The following MEAF6 variants were observed in gnomAD, a reference collection of about 807,000 sequenced individuals.
The protein encoded by MEAF6 is MYST/Esa1 associated factor 6, also known as chromatin modification-related protein MEAF6.
In MEAF6, 15 loss-of-function variants were observed where a neutral mutation model predicts 28.9. The observed-to-expected ratio is 0.52, with a 90% CI of 0.35 to 0.80. The LOEUF (loss-of-function observed/expected upper bound fraction) is 0.80. Ranked by LOEUF, MEAF6 falls within the 30% of genes least tolerant of loss-of-function variation. MEAF6 has a pLI of 0.01. For synonymous variants in MEAF6, 97 were observed against 88.7 expected, an observed-to-expected ratio of 1.09 and a Z score of -0.53; for missense variants, 178 against 237.5, an observed-to-expected ratio of 0.75 and a Z score of 1.65.
At chr1:37,498,359 A>G (rs1260320437) in intron 5 of MEAF6, among the ~76,000 whole-genome samples, 1 of 151,752 alleles carries the variant, frequency 6.6e-6, no homozygotes, top group Non-Finnish European at 1.5e-5. Flanking sequence ...CAGACTATCT[A>G]AAGTAATTTT....
chr1:37,502,059 T>A (rs889441475), intron 4 of MEAF6, 63 bp from the exon 5 acceptor site: 3 of 1,401,664 alleles, frequency 2.1e-6, no homozygotes, highest in Non-Finnish European at 2.9e-6. Context: ...AATCTGTCCA[T>A]CAACATGAAC....
chr1:37,496,512 C>T, intron 5 of MEAF6: 1 of 1,161,628 alleles, frequency 8.6e-7, no homozygotes, highest in Non-Finnish European at 1.1e-6. Flanking sequence ...GTGAAGTTTA[C>T]TTAATTTTGC....
rs1307347254 is a variant in MEAF6 at position 37,490,914 on chromosome 1, C to T, written c.*3185G>A. Among the ~76,000 whole-genome samples the T allele has an allele frequency of 3.3e-5, 5 of 152,080 alleles. No individual in the cohort carries two copies. The highest frequency in any genetic ancestry group is 5.9e-5 in the Non-Finnish European group (4 of 68,026). ...TGGTAGCACGCGCCTGTAGTCTCAG[C>T]TACTCGAGAGGCTGAGGCGGAATAA... On this transcript the variant is annotated 3_prime_UTR_variant, in exon 7 of 7. Transcript: ENST00000296214.
chr1:37,496,099 A>T (rs1025280968), intron 5 of MEAF6, among the ~76,000 whole-genome samples, 181 bp from the exon 6 acceptor site: 1 of 152,258 alleles, frequency 6.6e-6, no homozygotes, highest in Admixed American at 6.5e-5. Context: ...AGTATTAAAA[A>T]TTATGAGCAC....
At chr1:37,494,390 C>T (rs1210077839) in intron 6 of MEAF6, among the ~76,000 whole-genome samples, 1 of 151,554 alleles carries the variant, frequency 6.6e-6, no homozygotes, top group African/African-American at 2.4e-5. Flanking sequence ...TGGTGGGCAC[C>T]TGTAATTCCA....
At chr1:37,495,714 AAAAAACAAAAAAAC>A (rs1642109354) in intron 6 of MEAF6, among the ~76,000 whole-genome samples, 157 bp downstream of exon 6, 1 of 133,758 alleles carries the variant, frequency 7.5e-6, no homozygotes, top group African/African-American at 2.6e-5. Flanking sequence ...CAAAAAAAAA[AAAAAACAAAAAAAC>A]CACCTAAAAG....
At chr1:37,511,351 C>T (rs72657776) in intron 2 of MEAF6, among the ~76,000 whole-genome samples, 7,752 of 152,102 alleles carry the variant, frequency 0.051, 290 homozygotes, top group Non-Finnish European at 0.077. Context: ...TTTCAGAATG[C>T]CAGTAATAAA....
chr1:37,509,723 A>G (rs1642603238), intron 2 of MEAF6, among the ~76,000 whole-genome samples, 181 bp from the exon 3 acceptor site: 1 of 152,178 alleles, frequency 6.6e-6, no homozygotes, highest in Non-Finnish European at 1.5e-5. Flanking sequence ...CCACTGTGAG[A>G]CATGAGATTT....
chr1:37,510,222 C>A (rs573581084), intron 2 of MEAF6, among the ~76,000 whole-genome samples: 2 of 151,630 alleles, frequency 1.3e-5, no homozygotes, highest in Non-Finnish European at 2.9e-5. Context: ...GGATTACAGG[C>A]ACGTGCCACC....
intron 4 of MEAF6, among the ~76,000 whole-genome samples, chr1:37,505,739 G>A (rs112089806): frequency 6.4e-4 from 97 of 152,288 alleles, no homozygotes; most frequent in African/African-American, 2.0e-3. Flanking sequence ...TGGTATCAAC[G>A]TATAAATCAG....
chr1:37,502,969 G>T, intron 4 of MEAF6, among the ~76,000 whole-genome samples: 1 of 151,810 alleles, frequency 6.6e-6, no homozygotes, highest in African/African-American at 2.4e-5. Context: ...ATCTCACTCT[G>T]TCACCCAGGC....
chr1:37,504,659 C>A (rs1264214803), intron 4 of MEAF6, among the ~76,000 whole-genome samples: 1 of 149,864 alleles, frequency 6.7e-6, no homozygotes, highest in African/African-American at 2.5e-5. Context: ...GTAATCCCAG[C>A]TACTTGGGAG....
At chr1:37,495,697 C>CAAAAA (rs1373520573) in intron 6 of MEAF6, among the ~76,000 whole-genome samples, 188 bp downstream of exon 6, 1 of 92,676 alleles carries the variant, frequency 1.1e-5, no homozygotes, top group Non-Finnish European at 2.2e-5. Context: ...AAAAAAAAAA[C>CAAAAA]AAAAAACAAA....
chr1:37,503,847 G>A (rs962406876), intron 4 of MEAF6, among the ~76,000 whole-genome samples: 44 of 152,040 alleles, frequency 2.9e-4, no homozygotes, highest in African/African-American at 1.0e-3. Context: ...TGTAATCCCA[G>A]CTATTCAAGG....
rs899338038 is a variant in MEAF6, at chr1:37,493,818, A to G, written c.*281T>C. On this transcript the variant is annotated 3_prime_UTR_variant, in exon 7 of 7. Coordinates refer to ENST00000296214, the MANE Select transcript of MEAF6 (RefSeq NM_001270875.3). ...AGTTTTGGGGGAGACATTCATTCTA[A>G]GAAGGGAGAAACGCACAGTTAGCAA... 6.4e-7 allele frequency: 1 copy of G among 1,550,952 alleles called. No homozygotes were observed. The highest frequency in any genetic ancestry group is 1.4e-5 in the African/African-American group (1 of 73,032).
In MEAF6 at chr1:37,492,914, C is replaced by T. The variant is rs549206961; in HGVS notation, c.*1185G>A. ...AATTCCCAATAACTAGGCTGTACCCCAGTCTCTAGGGATGGGATCCAGGCA... is the reference window on the plus strand; with the variant it reads ...AATTCCCAATAACTAGGCTGTACCCTAGTCTCTAGGGATGGGATCCAGGCA... On this transcript the variant is annotated 3_prime_UTR_variant, in exon 7 of 7. Coordinates refer to ENST00000296214, the MANE Select transcript of MEAF6 (RefSeq NM_001270875.3). The T allele has an allele frequency of 6.6e-6, 1 of 152,170 alleles. No homozygotes were observed. Among genetic ancestry groups the T allele is most frequent in the Non-Finnish European group, 1.5e-5 (1 of 68,030 alleles). The allele number at this position is 152,170 out of a possible 1,614,324, so 9.4% of individuals were successfully genotyped here.
intron 4 of MEAF6, among the ~76,000 whole-genome samples, chr1:37,503,146 A>G (rs559664978): frequency 1.3e-5 from 2 of 152,130 alleles, no homozygotes; most frequent in South Asian, 4.1e-4. Flanking sequence ...TATGTTGCCC[A>G]GGCTGGTCTC....
intron 5 of MEAF6, among the ~76,000 whole-genome samples, chr1:37,500,278 G>A (rs1329912591): frequency 2.8e-5 from 2 of 70,766 alleles, no homozygotes; most frequent in Non-Finnish European, 8.2e-5. Flanking sequence ...CTGGGTGACA[G>A]AGCAAGACTG....
intron 2 of MEAF6, among the ~76,000 whole-genome samples, chr1:37,512,767 C>T (rs1374768225): frequency 6.6e-6 from 1 of 152,182 alleles, no homozygotes; most frequent in Non-Finnish European, 1.5e-5. Context: ...TATGGTGTGC[C>T]TGTAGTCCCA....
Sources: gnomAD v4.1 joint callset for allele counts (sites outside exome capture counted in the v4.1 genomes callset) on GRCh38, gnomAD v4.1.1 for gene constraint, MANE v1.5 for transcripts, NCBI Gene and HGNC (gene_info 2026-07-23, HGNC 2026-07-21) for gene names.